Variants in SLC33A1 observed in about 807,000 individuals in gnomAD.
SLC33A1 encodes the protein solute carrier family 33 member 1.
SLC33A1 carries 20 observed loss-of-function variants against 50.0 expected under a neutral mutation model. The observed-to-expected ratio is 0.40, with a 90% CI of 0.28 to 0.58. The LOEUF is 0.58. Among genes scored for constraint, SLC33A1 ranks in the 20% least tolerant of loss-of-function variants. The pLI, the probability that SLC33A1 is intolerant of heterozygous loss-of-function variation, is 0.44. For missense variants in SLC33A1, 476 were observed against 657.0 expected, an observed-to-expected ratio of 0.72 and a Z score of 3.01; for synonymous variants, 265 against 251.8, an observed-to-expected ratio of 1.05 and a Z score of -0.50.
At chr3:155,832,975 G>T (rs1309804230) in intron 4 of SLC33A1, among the ~76,000 whole-genome samples, 1 of 151,794 alleles carries the variant, frequency 6.6e-6, no homozygotes, top group African/African-American at 2.4e-5. Flanking sequence ...CTTTCAGCCG[G>T]GCGCAGTGGC....
rs1349021338 is a variant in SLC33A1, at chr3:155,828,158, G to A, written c.*52C>T. ...TGTGCACTGATTATCATTGCTCTCC[G>A]AATTAAAACTAAACTACAATTACCT... On this transcript the variant is annotated 3_prime_UTR_variant, in exon 6 of 6. Transcript: ENST00000643144. 9.1e-6 allele frequency: 12 copies of A among 1,316,692 alleles called. No individual in the cohort carries two copies. The highest frequency in any genetic ancestry group is 7.2e-5 in the African/African-American group (5 of 69,114). The allele number at this position is 1,316,692 out of a possible 1,614,324, so 81.6% of individuals were successfully genotyped here. A position where few individuals can be genotyped will look rare whatever the true frequency, so the allele number is the denominator to read the frequency against.
At chr3:155,838,032 G>C (rs1052640550) in intron 2 of SLC33A1, among the ~76,000 whole-genome samples, 6 of 152,208 alleles carry the variant, frequency 3.9e-5, no homozygotes, top group African/African-American at 1.4e-4. Flanking sequence ...GCCAGGTGCA[G>C]TGGCTCACAC....
intron 4 of SLC33A1, among the ~76,000 whole-genome samples, chr3:155,830,377 A>T (rs1172332427): frequency 2.6e-5 from 4 of 151,798 alleles, no homozygotes; most frequent in Non-Finnish European, 4.4e-5. Flanking sequence ...AGTCTCAAAA[A>T]AAATAAATAA....
chr3:155,835,819 GAC>G (rs1309714683), intron 2 of SLC33A1, among the ~76,000 whole-genome samples: 1 of 151,876 alleles, frequency 6.6e-6, no homozygotes, highest in Non-Finnish European at 1.5e-5. Context: ...ATTTTTCCAG[GAC>G]ACCTCTCTGT....
chr3:155,833,954 G>C lies in SLC33A1; in HGVS notation c.1051C>G (p.Pro351Ala). The change falls in exon 3 of 6, where the codon CCA becomes GCA. Residue 351 changes from proline to alanine, a missense_variant. Coordinates refer to ENST00000643144, the MANE Select transcript of SLC33A1 (RefSeq NM_004733.4). The stretch of plus-strand genomic sequence containing the variant: ...AGTATTATCTGCAAAGGAACCATTG[G>C]AACTGCCAATAAGGCTAAATGTTCT... ...PKEHLALLAV[P>A]MVPLQIILPL... 1 of 1,613,592 alleles carries C rather than the reference G, an allele frequency of 6.2e-7. No homozygotes were observed. Among genetic ancestry groups the C allele is most frequent in the Non-Finnish European group, 8.5e-7 (1 of 1,179,562 alleles).
chr3:155,832,619 G>A (rs138854088), intron 4 of SLC33A1, among the ~76,000 whole-genome samples: 4,871 of 150,434 alleles, frequency 0.032, 105 homozygotes, highest in Non-Finnish European at 0.047. Flanking sequence ...CTTGAGGTCA[G>A]GAATTCAAGA....
chr3:155,838,193 C>T (rs1752773298), intron 2 of SLC33A1, among the ~76,000 whole-genome samples: 1 of 151,606 alleles, frequency 6.6e-6, no homozygotes, highest in African/African-American at 2.4e-5. Flanking sequence ...ATCCCAGCTA[C>T]TTGGGAGGCT....
At chr3:155,845,315 A>C (rs1423141664) in intron 1 of SLC33A1, among the ~76,000 whole-genome samples, 1 of 152,192 alleles carries the variant, frequency 6.6e-6, no homozygotes, top group Non-Finnish European at 1.5e-5. Context: ...CAATGTTTGC[A>C]GATAAGATTA....
chr3:155,851,422 T>G (rs1199052302), intron 1 of SLC33A1, among the ~76,000 whole-genome samples: 1 of 151,302 alleles, frequency 6.6e-6, no homozygotes, highest in Non-Finnish European at 1.5e-5. Context: ...TTTTTTTTTT[T>G]TTAATTTTTA....
intron 3 of SLC33A1, 57 bp from the exon 4 acceptor site, chr3:155,833,642 C>A (rs1015260031): frequency 3.3e-5 from 37 of 1,117,542 alleles, no homozygotes; most frequent in Non-Finnish European, 4.9e-5. Flanking sequence ...ACAACAACAA[C>A]AAAAACAGAA....
Position 155,828,234 on chromosome 3 carries a change from C to A in SLC33A1, c.1626G>T (p.Ser542=). The A allele has an allele frequency of 6.2e-7, 1 of 1,613,034 alleles. No homozygotes were observed. The highest frequency in any genetic ancestry group is 8.5e-7 in the Non-Finnish European group (1 of 1,179,164). Residue 542 remains serine, a synonymous_variant, in exon 6 of 6, where the codon TCG becomes TCT. Transcript: ENST00000643144. ...FKKLQDEGSS[S]WKCKRNN Reference sequence around the variant, plus strand: ...ATTAATTGTTCCTTTTGCATTTCCACGAAGATGATCCTTCATCCTGTAACT... The same window carrying A: ...ATTAATTGTTCCTTTTGCATTTCCAAGAAGATGATCCTTCATCCTGTAACT...
chr3:155,830,289 C>T (rs768814336), intron 4 of SLC33A1, among the ~76,000 whole-genome samples: 14 of 151,524 alleles, frequency 9.2e-5, no homozygotes, highest in South Asian at 2.1e-4. Flanking sequence ...AGGAGAATGG[C>T]GTGAACCCGG....
At chr3:155,830,799 C>T (rs773634398) in intron 4 of SLC33A1, among the ~76,000 whole-genome samples, 1 of 151,986 alleles carries the variant, frequency 6.6e-6, no homozygotes, top group Non-Finnish European at 1.5e-5. Context: ...TTTTCTCCTA[C>T]ATATACACAA....
At position 155,844,420 on chromosome 3, in the gene SLC33A1, T is replaced by G. The variant is rs1368015746; in HGVS notation, c.776-1801A>C. Reference sequence around the variant, plus strand: ...TTTTCATAATTTTACACTGCCTACATAAAGGTATATATATATATATATATA... The same window carrying G: ...TTTTCATAATTTTACACTGCCTACAGAAAGGTATATATATATATATATATA... On this transcript the variant is annotated intron_variant, in intron 1 of 5. Transcript: ENST00000643144. Among the ~76,000 whole-genome samples, 8 of 90,804 alleles carry G rather than the reference T, an allele frequency of 8.8e-5. No individual in the cohort carries two copies. In the East Asian group the frequency reaches 2.6e-3, roughly 30 times the overall value. 59.6% of individuals were successfully genotyped at this position (90,804 alleles called of 152,430 possible).
chr3:155,854,011 C>A lies in SLC33A1; in HGVS notation c.-14G>T. ...GGTGGGTGACATATCAGAGACGATG[C>A]AGAGCCCCGTCTGTGGGGGGCCGAG... On this transcript the variant is annotated 5_prime_UTR_variant, in exon 1 of 6. Coordinates refer to ENST00000643144, the MANE Select transcript of SLC33A1 (RefSeq NM_004733.4). 3 of 1,535,156 alleles carry A rather than the reference C, an allele frequency of 2.0e-6. No homozygotes were observed. The highest frequency in any genetic ancestry group is 2.6e-6 in the Non-Finnish European group (3 of 1,146,414).
In SLC33A1 at chr3:155,821,258, C is replaced by T. The variant is rs1752080304; in HGVS notation, c.*6952G>A. On this transcript the variant is annotated 3_prime_UTR_variant, in exon 6 of 6. Transcript: ENST00000643144. ...ATGCTAGATATTCCAAAAGTGGTAACAGAAATGATTGTGTGCTGTGTATCT... is the reference window on the plus strand; with the variant it reads ...ATGCTAGATATTCCAAAAGTGGTAATAGAAATGATTGTGTGCTGTGTATCT... 1 of 152,154 alleles carries T rather than the reference C, an allele frequency of 6.6e-6. No individual in the cohort carries two copies. Among genetic ancestry groups the T allele is most frequent in the Non-Finnish European group, 1.5e-5 (1 of 68,026 alleles). 9.4% of individuals were successfully genotyped at this position (152,154 alleles called of 1,614,324 possible). A position where few individuals can be genotyped will look rare whatever the true frequency, so the allele number is the denominator to read the frequency against.
intron 1 of SLC33A1, among the ~76,000 whole-genome samples, chr3:155,849,388 C>G (rs1431729364): frequency 6.6e-6 from 1 of 151,952 alleles, no homozygotes; most frequent in Non-Finnish European, 1.5e-5. Flanking sequence ...TTTTTCTTAT[C>G]CTATTAATAA....
intron 4 of SLC33A1, among the ~76,000 whole-genome samples, chr3:155,831,080 A>G (rs994213007): frequency 6.6e-6 from 1 of 152,140 alleles, no homozygotes; most frequent in Non-Finnish European, 1.5e-5. Context: ...ACACTCCTTG[A>G]GGGCAGGGAT....
intron 1 of SLC33A1, among the ~76,000 whole-genome samples, chr3:155,846,072 C>G (rs1174313047): frequency 7.2e-5 from 11 of 152,118 alleles, no homozygotes; most frequent in Non-Finnish European, 2.9e-5. Context: ...AGTGCTTTCA[C>G]GAATGCAGAA....
Sources: allele counts gnomAD v4.1 joint callset (sites outside exome capture counted in the v4.1 genomes callset), GRCh38; gene constraint gnomAD v4.1.1; transcripts MANE v1.5; gene names NCBI Gene and HGNC (gene_info 2026-07-23, HGNC 2026-07-21).